Variants in KRABD5 observed in about 807,000 individuals in gnomAD.
The protein encoded by KRABD5 is KRAB domain-containing protein 5.
the KRABD5 span, among the ~76,000 whole-genome samples, chr16:31,741,140 A>T: frequency 6.6e-6 from 1 of 152,034 alleles, no homozygotes; most frequent in Non-Finnish European, 1.5e-5. Context: ...AAAGGACATG[A>T]TTTTATTTTT....
chr16:31,727,278 T>C, the KRABD5 span, among the ~76,000 whole-genome samples: 1 of 152,248 alleles, frequency 6.6e-6, no homozygotes, highest in Non-Finnish European at 1.5e-5. Flanking sequence ...TTCTTTTTTT[T>C]ACCTAATTGC....
At chr16:31,760,783 T>C in the KRABD5 span, 4 of 152,178 alleles carry the variant, frequency 2.6e-5, no homozygotes, top group East Asian at 1.9e-4. Flanking sequence ...TGCAAACATG[T>C]GGAGTGTGTT....
At chr16:31,721,239 A>G in the KRABD5 span, among the ~76,000 whole-genome samples, 1 of 152,160 alleles carries the variant, frequency 6.6e-6, no homozygotes, top group Non-Finnish European at 1.5e-5. Flanking sequence ...TAATTAAGAA[A>G]TGTTCTGTCA....
the KRABD5 span, chr16:31,754,813 C>G: frequency 4.3e-5 from 20 of 469,622 alleles, no homozygotes; most frequent in Admixed American, 2.1e-4. Flanking sequence ...AAGAATGTGA[C>G]AAAGCCTTTA....
the KRABD5 span, among the ~76,000 whole-genome samples, chr16:31,725,414 G>A: frequency 1.3e-5 from 2 of 152,202 alleles, no homozygotes; most frequent in Admixed American, 1.3e-4. Context: ...CACTGCTCCT[G>A]CCAGATTGTA....
chr16:31,716,316 C>A, the KRABD5 span, among the ~76,000 whole-genome samples: 1 of 152,212 alleles, frequency 6.6e-6, no homozygotes, highest in African/African-American at 2.4e-5. Context: ...ACAAACCAGT[C>A]CTTCCACCAG....
At chr16:31,734,781 C>G in the KRABD5 span, among the ~76,000 whole-genome samples, 9 of 149,060 alleles carry the variant, frequency 6.0e-5, no homozygotes, top group East Asian at 1.8e-3. Context: ...GAGTCTTGCT[C>G]TGTTGCCCAG....
At chr16:31,713,416 A>C in the KRABD5 span, 1 of 1,605,468 alleles carries the variant, frequency 6.2e-7, no homozygotes, top group South Asian at 1.1e-5. Flanking sequence ...ACGCCAGGAC[A>C]TCCCGGAAGC....
At chr16:31,713,956 G>A in the KRABD5 span, among the ~76,000 whole-genome samples, 1 of 152,190 alleles carries the variant, frequency 6.6e-6, no homozygotes, top group Admixed American at 6.5e-5. Flanking sequence ...ATGCTGCTGG[G>A]GAAAAGAAAT....
At chr16:31,721,213 A>G in the KRABD5 span, among the ~76,000 whole-genome samples, 51 of 152,280 alleles carry the variant, frequency 3.3e-4, no homozygotes, top group African/African-American at 1.2e-3. Context: ...GTTTTAACAC[A>G]ATTTAAAATA....
At chr16:31,754,467 A>G in the KRABD5 span, 1 of 649,520 alleles carries the variant, frequency 1.5e-6, no homozygotes, top group Non-Finnish European at 2.8e-6. Context: ...AAAAATCAGT[A>G]CAATAAATCT....
chr16:31,750,454 G>A, the KRABD5 span, among the ~76,000 whole-genome samples: 2 of 152,084 alleles, frequency 1.3e-5, no homozygotes, highest in African/African-American at 2.4e-5. Flanking sequence ...GTCTTTCCAG[G>A]TGTAGAATCA....
At chr16:31,752,795 A>C in the KRABD5 span, among the ~76,000 whole-genome samples, 1 of 152,132 alleles carries the variant, frequency 6.6e-6, no homozygotes, top group Non-Finnish European at 1.5e-5. Flanking sequence ...TTAGGCCAGG[A>C]ATTCGAGGTT....
At chr16:31,722,870 T>A in the KRABD5 span, 1 of 1,151,466 alleles carries the variant, frequency 8.7e-7, no homozygotes, top group Non-Finnish European at 1.1e-6. Context: ...AGATTCCTGT[T>A]TCCAGGAAAA....
At chr16:31,735,694 C>T in the KRABD5 span, among the ~76,000 whole-genome samples, 23 of 152,088 alleles carry the variant, frequency 1.5e-4, no homozygotes, top group Non-Finnish European at 3.4e-4. Flanking sequence ...TGTTTATGCA[C>T]CTTTTGGCCA....
At chr16:31,734,633 T>G in the KRABD5 span, among the ~76,000 whole-genome samples, 1 of 151,900 alleles carries the variant, frequency 6.6e-6, no homozygotes, top group South Asian at 2.1e-4. Flanking sequence ...AGAACTTACT[T>G]CTCCTGTGTA....
the KRABD5 span, among the ~76,000 whole-genome samples, chr16:31,731,343 G>A: frequency 1.1e-4 from 15 of 138,110 alleles, no homozygotes; most frequent in African/African-American, 3.4e-4. Context: ...CATGGATCCC[G>A]TCTCTTCTCT....
chr16:31,751,264 T>C, the KRABD5 span, among the ~76,000 whole-genome samples: 2 of 152,204 alleles, frequency 1.3e-5, no homozygotes, highest in African/African-American at 2.4e-5. Context: ...GTTCATTGTG[T>C]CTTTGCCAGA....
the KRABD5 span, among the ~76,000 whole-genome samples, chr16:31,745,930 A>G: frequency 2.0e-5 from 3 of 151,320 alleles, no homozygotes; most frequent in Admixed American, 1.3e-4. Context: ...GTCAGAAACT[A>G]GGATTGCAAC....
Sources: allele counts gnomAD v4.1 joint callset (sites outside exome capture counted in the v4.1 genomes callset), GRCh38; gene constraint gnomAD v4.1.1; transcripts MANE v1.5; gene names NCBI Gene and HGNC (gene_info 2026-07-23, HGNC 2026-07-21).